The following CNTN5 variants were observed in gnomAD, a reference collection of about 807,000 sequenced individuals.
CNTN5 encodes the protein contactin 5.
A neutral mutation model predicts 129.1 loss-of-function variants in CNTN5; 77 were observed. The ratio of observed to expected loss-of-function variants is 0.60; its 90% CI spans 0.50 to 0.72. CNTN5 has a LOEUF of 0.72. Ranked by LOEUF, CNTN5 falls within the 30% of genes least tolerant of loss-of-function variation. The pLI is 0.00. For synonymous variants in CNTN5, 509 were observed against 465.6 expected (o/e 1.09, Z -1.20); for missense variants, 1,478 against 1,328.8 (o/e 1.11, Z -1.75).
intron 24 of CNTN5, among the ~76,000 whole-genome samples, chr11:100,353,931 G>A (rs58802048): frequency 0.12 from 17,816 of 151,458 alleles, 1,349 homozygotes; most frequent in East Asian, 0.27. Context: ...ATTACACTCA[G>A]TCTAGCCAGA....
chr11:100,355,851 T>C lies in CNTN5; in HGVS notation c.3200-266T>C, dbSNP rs116240117. 6.7e-3 allele frequency among the ~76,000 whole-genome samples: 1,018 copies of C among 151,914 alleles called. 11 individuals are homozygous for C. The highest frequency in any genetic ancestry group is 0.022 in the African/African-American group (932 of 41,514). Reference sequence around the variant, plus strand: ...TTTTATATCTGAATTTGGAATACTTTCATCATTGGTGAAAATTAAATCTCA... The same window carrying C: ...TTTTATATCTGAATTTGGAATACTTCCATCATTGGTGAAAATTAAATCTCA... On this transcript the variant is annotated intron_variant, in intron 24 of 24. Transcript: ENST00000524871.
At chr11:99,875,615 T>TA (rs905542860) in intron 6 of CNTN5, among the ~76,000 whole-genome samples, 9 of 152,146 alleles carry the variant, frequency 5.9e-5, no homozygotes, top group Non-Finnish European at 1.2e-4. Context: ...TCCTCAGATA[T>TA]ACCTCCCTAA....
At chr11:99,684,172 G>T (rs1953684523) in intron 3 of CNTN5, among the ~76,000 whole-genome samples, 1 of 151,696 alleles carries the variant, frequency 6.6e-6, no homozygotes, top group South Asian at 2.1e-4. Context: ...GCATGTAAAT[G>T]AGATCATGTG....
chr11:99,240,866 C>CCAAA (rs1331341178), intron 1 of CNTN5, among the ~76,000 whole-genome samples: 1 of 152,122 alleles, frequency 6.6e-6, no homozygotes, highest in Non-Finnish European at 1.5e-5. Context: ...CCCCGTAAAA[C>CCAAA]CAAACACACA....
chr11:99,602,520 G>A (rs932566576), intron 3 of CNTN5, among the ~76,000 whole-genome samples: 1 of 151,982 alleles, frequency 6.6e-6, no homozygotes, highest in Non-Finnish European at 1.5e-5. Context: ...CTTCAATTGA[G>A]AGCACTACCC....
chr11:99,264,281 ATTAC>A (rs1298764949), intron 1 of CNTN5, among the ~76,000 whole-genome samples: 3 of 151,742 alleles, frequency 2.0e-5, no homozygotes, highest in East Asian at 1.9e-4. Flanking sequence ...TATAGGCTAA[ATTAC>A]TTACACAAAA....
chr11:99,868,951 GGCA>G (rs1422497142), intron 6 of CNTN5, among the ~76,000 whole-genome samples: 1 of 152,154 alleles, frequency 6.6e-6, no homozygotes, highest in Non-Finnish European at 1.5e-5. Flanking sequence ...AATGCTGACA[GGCA>G]ATAGCAGTGA....
chr11:99,926,142 A>G (rs1036722809), intron 7 of CNTN5, among the ~76,000 whole-genome samples: 1 of 152,162 alleles, frequency 6.6e-6, no homozygotes, highest in African/African-American at 2.4e-5. Context: ...TGTCTTGATA[A>G]TCTGTCTTCA....
chr11:99,045,735 A>G (rs1864178880), intron 1 of CNTN5, among the ~76,000 whole-genome samples: 1 of 152,208 alleles, frequency 6.6e-6, no homozygotes, highest in East Asian at 1.9e-4. Context: ...AGGATTGACT[A>G]ATGTAAAGGA....
At chr11:100,003,683 T>G (rs546771393) in intron 9 of CNTN5, 1 of 152,306 alleles carries the variant, frequency 6.6e-6, no homozygotes, top group South Asian at 2.1e-4. Context: ...AATTGAGGCT[T>G]ACAGTCTCTT....
intron 3 of CNTN5, among the ~76,000 whole-genome samples, chr11:99,684,634 C>T (rs1953706423): frequency 6.6e-6 from 1 of 151,832 alleles, no homozygotes; most frequent in Non-Finnish European, 1.5e-5. Flanking sequence ...TTTACATTCC[C>T]AGATTCCTAA....
chr11:99,504,803 C>T (rs1170123869), intron 2 of CNTN5, among the ~76,000 whole-genome samples: 1 of 152,102 alleles, frequency 6.6e-6, no homozygotes, highest in Non-Finnish European at 1.5e-5. Context: ...TTAGAGTTCC[C>T]TTGACCTTGA....
At chr11:99,317,358 T>C (rs1282829419) in intron 1 of CNTN5, among the ~76,000 whole-genome samples, 1 of 152,164 alleles carries the variant, frequency 6.6e-6, no homozygotes, top group East Asian at 1.9e-4. Context: ...TGAAGTTGGA[T>C]GGTATTCTTA....
chr11:100,254,077 A>C (rs1950022014), intron 16 of CNTN5, among the ~76,000 whole-genome samples: 1 of 152,122 alleles, frequency 6.6e-6, no homozygotes, highest in South Asian at 2.1e-4. Flanking sequence ...CAAACTCCCA[A>C]GCCTGAATGG....
intron 2 of CNTN5, among the ~76,000 whole-genome samples, chr11:99,393,889 A>G (rs1941392769): frequency 2.0e-5 from 3 of 151,810 alleles, no homozygotes; most frequent in African/African-American, 7.2e-5. Context: ...TAAAATGCAG[A>G]AAAGTAGGTA....
chr11:99,958,129 C>T lies in CNTN5; in HGVS notation c.877+1120C>T, dbSNP rs1355674491. Reference sequence around the variant, plus strand: ...TGCTAAAGGCCTCACAGTTAGGTAACGGCATGGAGAAACCAGTAGAAAAAA... The same window carrying T: ...TGCTAAAGGCCTCACAGTTAGGTAATGGCATGGAGAAACCAGTAGAAAAAA... On this transcript the variant is annotated intron_variant, in intron 8 of 24. Coordinates refer to ENST00000524871, the MANE Select transcript of CNTN5 (RefSeq NM_014361.4). Among the ~76,000 whole-genome samples the T allele has an allele frequency of 5.3e-5, 8 of 152,130 alleles. No individual in the cohort carries two copies. The East Asian group carries it at 1.2e-3, about 22-fold the overall frequency.
chr11:99,607,403 CAT>C (rs1950456106), intron 3 of CNTN5, among the ~76,000 whole-genome samples: 1 of 147,694 alleles, frequency 6.8e-6, no homozygotes, highest in Non-Finnish European at 1.5e-5. Flanking sequence ...TGTGAGATAT[CAT>C]CTCACACCAG....
chr11:99,838,804 T>G (rs1234883709), intron 4 of CNTN5, among the ~76,000 whole-genome samples: 1 of 152,114 alleles, frequency 6.6e-6, no homozygotes, highest in East Asian at 1.9e-4. Context: ...CTTGAGGGAG[T>G]GACCCACGAG....
At chr11:99,123,324 T>C (rs1284701003) in intron 1 of CNTN5, among the ~76,000 whole-genome samples, 2 of 152,294 alleles carry the variant, frequency 1.3e-5, no homozygotes, top group East Asian at 3.9e-4. Flanking sequence ...TTCATATGCT[T>C]GATGGCCACA....
Sources: gnomAD v4.1 joint callset for allele counts (sites outside exome capture counted in the v4.1 genomes callset) on GRCh38, gnomAD v4.1.1 for gene constraint, MANE v1.5 for transcripts, NCBI Gene and HGNC (gene_info 2026-07-23, HGNC 2026-07-21) for gene names.